ZFYVE9: variants seen among roughly 807,000 people sequenced by gnomAD.
ZFYVE9 encodes the protein zinc finger FYVE domain-containing protein 9.
Under a neutral mutation model 126.7 loss-of-function variants are expected in ZFYVE9, and 43 were observed. The observed-to-expected ratio is 0.34, with a 90% CI of 0.27 to 0.44. The LOEUF (loss-of-function observed/expected upper bound fraction) is 0.44, where lower values mean the gene tolerates loss of function less well. ZFYVE9 is among the 20% of genes least tolerant of loss of function. ZFYVE9 has a pLI of 1.00. For synonymous variants in ZFYVE9, 521 were observed against 597.4 expected (o/e 0.87, Z 1.87); for missense variants, 1,476 against 1,697.0 (o/e 0.87, Z 2.29).
At chr1:52,309,812 A>G (rs865914872) in intron 13 of ZFYVE9, among the ~76,000 whole-genome samples, 2 of 152,108 alleles carry the variant, frequency 1.3e-5, no homozygotes, top group South Asian at 2.1e-4. Flanking sequence ...ATGAGGAGGG[A>G]GGGAGGGACT....
Position 52,232,728 on chromosome 1 carries a change from C to CAAAA in ZFYVE9, c.-36-420_-36-417dup, listed in dbSNP as rs552213191. 3.4e-3 allele frequency among the ~76,000 whole-genome samples: 92 copies of CAAAA among 27,334 alleles called. 7 individuals carry two copies. The highest frequency in any genetic ancestry group is 8.6e-3 in the African/African-American group (84 of 9,754). 17.9% of individuals were successfully genotyped at this position (27,334 alleles called of 152,430 possible). A position where few individuals can be genotyped will look rare whatever the true frequency, so the allele number is the denominator to read the frequency against. ...AGGCAACAAGAGTGAGACTCTGTCTCAAAAAAAAAAAAAAAAAAAAAAAAA... is the reference window on the plus strand; with the variant it reads ...AGGCAACAAGAGTGAGACTCTGTCTCAAAAAAAAAAAAAAAAAAAAAAAAAAAAA... On this transcript the variant is annotated intron_variant, in intron 2 of 18. Coordinates refer to ENST00000287727, the MANE Select transcript of ZFYVE9 (RefSeq NM_004799.4).
chr1:52,245,131 T>A (rs1269331264), intron 4 of ZFYVE9, among the ~76,000 whole-genome samples: 3 of 151,260 alleles, frequency 2.0e-5, no homozygotes, highest in Non-Finnish European at 4.4e-5. Flanking sequence ...GCCACTGCAC[T>A]CCAGCCTGGG....
intron 13 of ZFYVE9, among the ~76,000 whole-genome samples, chr1:52,313,016 A>T (rs1011925624): frequency 2.0e-5 from 3 of 152,206 alleles, no homozygotes; most frequent in African/African-American, 7.2e-5. Context: ...ACACACATAT[A>T]GGGAAGATGA....
rs182350011 is a variant in ZFYVE9, at chr1:52,243,392, A to G, written c.2178+3797A>G. Reference sequence around the variant, plus strand: ...AAGTGACATAGTTCAAGGTTGACACATCAAGGTTGACACATAAAGGTGGAG... The same window carrying G: ...AAGTGACATAGTTCAAGGTTGACACGTCAAGGTTGACACATAAAGGTGGAG... On this transcript the variant is annotated intron_variant, in intron 4 of 18. Coordinates refer to ENST00000287727, the MANE Select transcript of ZFYVE9 (RefSeq NM_004799.4). Among the ~76,000 whole-genome samples, 722 of 152,374 alleles carry G rather than the reference A, an allele frequency of 4.7e-3. 2 individuals are homozygous for G. Among genetic ancestry groups the G allele is most frequent in the Non-Finnish European group, 7.6e-3 (515 of 68,042 alleles).
intron 13 of ZFYVE9, among the ~76,000 whole-genome samples, chr1:52,329,767 T>C (rs1404703657): frequency 1.3e-5 from 2 of 152,102 alleles, no homozygotes; most frequent in Non-Finnish European, 2.9e-5. Context: ...TAGCCGGGCA[T>C]GGTGGCCAGC....
chr1:52,171,062 A>G (rs1181992045), intron 1 of ZFYVE9, among the ~76,000 whole-genome samples: 1 of 151,950 alleles, frequency 6.6e-6, no homozygotes, highest in Non-Finnish European at 1.5e-5. Context: ...CAGGTTAGTT[A>G]CATATGTATA....
At chr1:52,147,410 A>G (rs930793248) in intron 1 of ZFYVE9, among the ~76,000 whole-genome samples, 7 of 152,158 alleles carry the variant, frequency 4.6e-5, no homozygotes, top group Non-Finnish European at 1.0e-4. Flanking sequence ...GGATCTCCCT[A>G]ATCCTCCCAG....
intron 3 of ZFYVE9, among the ~76,000 whole-genome samples, chr1:52,235,243 A>G (rs1645263296): frequency 6.6e-6 from 1 of 152,154 alleles, no homozygotes; most frequent in Non-Finnish European, 1.5e-5. Flanking sequence ...GTGTTATCTT[A>G]GAGAATATAC....
chr1:52,191,284 T>C (rs189993279), intron 1 of ZFYVE9, among the ~76,000 whole-genome samples: 2 of 152,190 alleles, frequency 1.3e-5, no homozygotes, highest in East Asian at 3.9e-4. Context: ...TATTTTGAGG[T>C]GGGAGATAGT....
intron 1 of ZFYVE9, among the ~76,000 whole-genome samples, chr1:52,189,166 A>G (rs192896648): frequency 6.6e-6 from 1 of 150,670 alleles, no homozygotes; most frequent in East Asian, 2.0e-4. Flanking sequence ...TGAACTCCTG[A>G]CCTTAAGTGA....
chr1:52,186,924 C>T (rs1408299781), intron 1 of ZFYVE9, among the ~76,000 whole-genome samples: 2 of 151,986 alleles, frequency 1.3e-5, no homozygotes, highest in African/African-American at 4.8e-5. Flanking sequence ...AATGATATTC[C>T]TATCAAACTA....
chr1:52,298,633 G>C (rs1290322306), intron 12 of ZFYVE9, among the ~76,000 whole-genome samples: 1 of 151,730 alleles, frequency 6.6e-6, no homozygotes, highest in Non-Finnish European at 1.5e-5. Flanking sequence ...GAGGCCTTTT[G>C]TGGTTTTATA....
At chr1:52,185,967 G>A (rs1644761569) in intron 1 of ZFYVE9, among the ~76,000 whole-genome samples, 1 of 150,146 alleles carries the variant, frequency 6.7e-6, no homozygotes, top group South Asian at 2.1e-4. Context: ...CTGGTTGGGT[G>A]CAGTGGCTGA....
At chr1:52,280,440 C>T (rs1645791871) in intron 9 of ZFYVE9, among the ~76,000 whole-genome samples, 1 of 151,258 alleles carries the variant, frequency 6.6e-6, no homozygotes, top group Non-Finnish European at 1.5e-5. Flanking sequence ...TGAGGAATGT[C>T]CTATTTAGGT....
intron 4 of ZFYVE9, 86 bp from the exon 5 acceptor site, chr1:52,263,687 A>G: frequency 3.2e-6 from 2 of 625,340 alleles, no homozygotes; most frequent in Non-Finnish European, 5.4e-6. Context: ...TTCACTGACA[A>G]TCAGTGTTTG....
chr1:52,295,985 G>A lies in ZFYVE9; in HGVS notation c.3333+8G>A, dbSNP rs369664307. On this transcript the variant is annotated splice_region_variant and intron_variant, in intron 12 of 18. Coordinates refer to ENST00000287727, the MANE Select transcript of ZFYVE9 (RefSeq NM_004799.4). ...ATCATGAATCTTCTTGCAGTAAGTT[G>A]GGAATTTTTTTTCCTTTGTCCTTAC... The A allele has an allele frequency of 6.2e-7, 1 of 1,611,804 alleles. No individual in the cohort carries two copies. Among genetic ancestry groups the A allele is most frequent in the African/African-American group, 1.3e-5 (1 of 74,770 alleles).
intron 1 of ZFYVE9, among the ~76,000 whole-genome samples, chr1:52,147,135 C>T (rs1040700130): frequency 9.9e-5 from 15 of 152,106 alleles, no homozygotes; most frequent in East Asian, 1.9e-4. Flanking sequence ...TTTAGACTTG[C>T]GTCAGAATTC....
chr1:52,332,334 GT>G (rs1646350106), intron 13 of ZFYVE9, among the ~76,000 whole-genome samples: 1 of 152,108 alleles, frequency 6.6e-6, no homozygotes, highest in Admixed American at 6.6e-5. Context: ...AATTTCATAT[GT>G]TTTTAGAGGG....
chr1:52,183,300 A>C (rs899481043), intron 1 of ZFYVE9, among the ~76,000 whole-genome samples: 5 of 152,206 alleles, frequency 3.3e-5, no homozygotes, highest in African/African-American at 1.2e-4. Context: ...TAAACCAGTT[A>C]AGTAGACTAT....
Sources: allele counts gnomAD v4.1 joint callset (sites outside exome capture counted in the v4.1 genomes callset), GRCh38; gene constraint gnomAD v4.1.1; transcripts MANE v1.5; gene names NCBI Gene and HGNC (gene_info 2026-07-23, HGNC 2026-07-21).